CENPW: variants seen among roughly 807,000 people sequenced by gnomAD.
CENPW encodes centromere protein W, also known as cancer-up-regulated gene 2 protein.
CENPW carries 3 observed loss-of-function variants against 11.1 expected under a neutral mutation model. The ratio of observed to expected loss-of-function variants is 0.27; its 90% CI spans 0.12 to 0.70. CENPW has a LOEUF of 0.70. CENPW is among the 30% of genes least tolerant of loss of function. CENPW has a pLI of 0.77. For synonymous variants in CENPW, 38 were observed against 42.0 expected (o/e 0.91, Z 0.37); for missense variants, 100 against 105.6 (o/e 0.95, Z 0.23).
chr6:126,376,052 T>G, the CENPW span, among the ~76,000 whole-genome samples: 1 of 152,156 alleles, frequency 6.6e-6, no homozygotes, highest in African/African-American at 2.4e-5. Context: ...TAAACATGAC[T>G]TGCACGTCCT....
the CENPW span, among the ~76,000 whole-genome samples, chr6:126,386,875 G>A: frequency 4.6e-5 from 7 of 152,000 alleles, no homozygotes; most frequent in South Asian, 1.5e-3. Flanking sequence ...GAGTGCCAAG[G>A]TAGGAAGAAA....
At chr6:126,392,416 A>G in the CENPW span, among the ~76,000 whole-genome samples, 2 of 151,884 alleles carry the variant, frequency 1.3e-5, no homozygotes, top group African/African-American at 4.8e-5. Flanking sequence ...GTTTTCTCCC[A>G]TTCAGTATGA....
chr6:126,464,232 A>G, the CENPW span, among the ~76,000 whole-genome samples: 1 of 152,132 alleles, frequency 6.6e-6, no homozygotes, highest in Non-Finnish European at 1.5e-5. Flanking sequence ...GAACATCTCA[A>G]TAGGTGATGA....
At chr6:126,369,770 T>C in the CENPW span, among the ~76,000 whole-genome samples, 1 of 152,122 alleles carries the variant, frequency 6.6e-6, no homozygotes, top group Non-Finnish European at 1.5e-5. Flanking sequence ...TGTGCAGAAG[T>C]TTTTTAGTTA....
chr6:126,437,968 C>T, the CENPW span, among the ~76,000 whole-genome samples: 1 of 151,566 alleles, frequency 6.6e-6, no homozygotes, highest in Non-Finnish European at 1.5e-5. Context: ...AATATAAAAA[C>T]ACTTTTATAT....
the CENPW span, among the ~76,000 whole-genome samples, chr6:126,389,658 CTG>C: frequency 5.4e-5 from 8 of 149,214 alleles, no homozygotes; most frequent in Admixed American, 6.7e-5. Context: ...GACCTTTGCT[CTG>C]TGTGTGTGTG....
the CENPW span, among the ~76,000 whole-genome samples, chr6:126,455,374 G>A: frequency 6.6e-6 from 1 of 150,776 alleles, no homozygotes; most frequent in South Asian, 2.1e-4. Flanking sequence ...TCAAGTAGGT[G>A]GATTTGCGTC....
At chr6:126,462,529 C>G in the CENPW span, among the ~76,000 whole-genome samples, 1 of 148,388 alleles carries the variant, frequency 6.7e-6, no homozygotes, top group Non-Finnish European at 1.5e-5. Context: ...CTCTCTCTCT[C>G]TCTCACACAC....
chr6:126,395,359 C>T, the CENPW span, among the ~76,000 whole-genome samples: 6 of 152,026 alleles, frequency 3.9e-5, no homozygotes, highest in African/African-American at 1.4e-4. Flanking sequence ...TTGCATTTTT[C>T]AGTTCCAGAA....
At chr6:126,373,783 A>G in the CENPW span, among the ~76,000 whole-genome samples, 1 of 152,190 alleles carries the variant, frequency 6.6e-6, no homozygotes, top group African/African-American at 2.4e-5. Context: ...GGGATTCCCA[A>G]AATACCCACT....
At chr6:126,437,107 G>A in the CENPW span, among the ~76,000 whole-genome samples, 1 of 151,246 alleles carries the variant, frequency 6.6e-6, no homozygotes, top group African/African-American at 2.4e-5. Context: ...AGTTTTCATT[G>A]ATTACGCACA....
At chr6:126,414,122 A>G in the CENPW span, among the ~76,000 whole-genome samples, 5 of 152,060 alleles carry the variant, frequency 3.3e-5, no homozygotes, top group African/African-American at 1.2e-4. Flanking sequence ...ACAATATATC[A>G]ATTGTGAATA....
the CENPW span, among the ~76,000 whole-genome samples, chr6:126,472,844 G>C: frequency 6.6e-6 from 1 of 152,072 alleles, no homozygotes; most frequent in African/African-American, 2.4e-5. Context: ...ATTCTACTAG[G>C]GGTACAATGT....
the CENPW span, among the ~76,000 whole-genome samples, chr6:126,466,195 G>C: frequency 2.9e-3 from 444 of 152,160 alleles, 2 homozygotes; most frequent in Non-Finnish European, 4.0e-3. Context: ...TTGGATCAAG[G>C]GAATTCCAAA....
chr6:126,425,895 C>T, the CENPW span, among the ~76,000 whole-genome samples: 1 of 150,748 alleles, frequency 6.6e-6, no homozygotes, highest in Non-Finnish European at 1.5e-5. Flanking sequence ...TTTTTTTTAG[C>T]CAGTTATGAT....
the CENPW span, among the ~76,000 whole-genome samples, chr6:126,478,857 G>T: frequency 7.9e-3 from 1,207 of 152,050 alleles, 8 homozygotes; most frequent in Non-Finnish European, 0.014. Context: ...AAACAACTGA[G>T]TTCTCCTGTT....
chr6:126,442,047 G>T, the CENPW span, among the ~76,000 whole-genome samples: 14 of 151,600 alleles, frequency 9.2e-5, no homozygotes, highest in Admixed American at 9.2e-4. Flanking sequence ...CACAGTGGTT[G>T]TACCAGTTTA....
the CENPW span, among the ~76,000 whole-genome samples, chr6:126,458,970 A>G: frequency 6.6e-6 from 1 of 151,444 alleles, no homozygotes; most frequent in East Asian, 1.9e-4. Flanking sequence ...GACCAGTAAA[A>G]CTAAGTTCTC....
chr6:126,382,605 T>C, the CENPW span, among the ~76,000 whole-genome samples: 1 of 152,170 alleles, frequency 6.6e-6, no homozygotes, highest in Non-Finnish European at 1.5e-5. Context: ...GTAACTGACC[T>C]GATGGAGTTG....
Sources: gnomAD v4.1 joint callset for allele counts (sites outside exome capture counted in the v4.1 genomes callset) on GRCh38, gnomAD v4.1.1 for gene constraint, MANE v1.5 for transcripts, NCBI Gene and HGNC (gene_info 2026-07-23, HGNC 2026-07-21) for gene names.